Variants in SAMD11 observed in about 807,000 individuals in gnomAD.
SAMD11 encodes sterile alpha motif domain-containing protein 11.
SAMD11 carries 77 observed loss-of-function variants against 64.4 expected under a neutral mutation model. The observed-to-expected ratio is 1.20, with a 90% CI of 0.99 to 1.44. The LOEUF is 1.44. SAMD11 is among the 40% of genes most tolerant of loss of function. The pLI is 0.00. For missense variants in SAMD11, 1,402 were observed against 943.3 expected (o/e 1.49, Z -6.37); for synonymous variants, 658 against 421.9 (o/e 1.56, Z -6.86).
intron 1 of SAMD11, chr1:925,622 C>A: frequency 6.7e-6 from 2 of 299,594 alleles, no homozygotes; most frequent in Non-Finnish European, 1.3e-5. Flanking sequence ...CTGGGCCCGG[C>A]CTGCGGTTCC....
rs545212814 is a variant in SAMD11, at chr1:930,015, G to A, written c.610-140G>A. The A allele has an allele frequency of 1.2e-4, 121 of 1,016,480 alleles. No homozygotes were observed. The South Asian group carries it at 1.4e-3, about 12-fold the overall frequency. 63.0% of individuals were successfully genotyped at this position (1,016,480 alleles called of 1,614,324 possible). ...TGGCTGCTCTGAGGGCACCTCTGCCGTGCTTGGGGCTCGGCCTGGGGTGCG... is the reference window on the plus strand; with the variant it reads ...TGGCTGCTCTGAGGGCACCTCTGCCATGCTTGGGGCTCGGCCTGGGGTGCG... On this transcript the variant is annotated intron_variant, in intron 2 of 13. Transcript: ENST00000616016.
chr1:933,548 A>AG (rs56367715), intron 4 of SAMD11, among the ~76,000 whole-genome samples: 83,554 of 151,994 alleles, frequency 0.55, 23,662 homozygotes, highest in Non-Finnish European at 0.63. Flanking sequence ...GGGACACCAG[A>AG]GGGGGGACCC....
chr1:930,693 G>A lies in SAMD11; in HGVS notation c.792-346G>A, dbSNP rs1641126909. 2.0e-5 allele frequency among the ~76,000 whole-genome samples: 3 copies of A among 152,384 alleles called. No individual in the cohort carries two copies. In the South Asian group the frequency reaches 6.2e-4, roughly 32 times the overall value. On this transcript the variant is annotated intron_variant, in intron 3 of 13. Coordinates refer to ENST00000616016, the MANE Select transcript of SAMD11 (RefSeq NM_001385641.1). Reference sequence around the variant, plus strand: ...GGGAGCTCCATTCAGGCTCGTGACTGGCTGTGCAGAAGCAGCCTCGGCCCC... The same window carrying A: ...GGGAGCTCCATTCAGGCTCGTGACTAGCTGTGCAGAAGCAGCCTCGGCCCC...
At chr1:937,163 C>A (rs1398331596) in intron 5 of SAMD11, among the ~76,000 whole-genome samples, 1 of 152,150 alleles carries the variant, frequency 6.6e-6, no homozygotes, top group East Asian at 1.9e-4. Flanking sequence ...GAGGGGCATT[C>A]ACCCTGGGGG....
At position 939,429 on chromosome 1, in the gene SAMD11, G is replaced by C. The variant is rs200584816; in HGVS notation, c.1195+17G>C. ...CCAGCCACGGTGAGGACCCACCCTGGCATGATCCCCCTCATCACCTCCCCA... is the reference window on the plus strand; with the variant it reads ...CCAGCCACGGTGAGGACCCACCCTGCCATGATCCCCCTCATCACCTCCCCA... On this transcript the variant is annotated intron_variant, in intron 7 of 13. Transcript: ENST00000616016. 975 of 1,442,172 alleles carry C rather than the reference G, an allele frequency of 6.8e-4. 13 individuals are homozygous for C. Among genetic ancestry groups the C allele is most frequent in the Middle Eastern group, 1.8e-4 (1 of 5,434 alleles). The allele number at this position is 1,442,172 out of a possible 1,614,324, so 89.3% of individuals were successfully genotyped here.
chr1:930,956 C>A, intron 3 of SAMD11, 83 bp from the exon 4 acceptor site: 1 of 1,381,764 alleles, frequency 7.2e-7, no homozygotes, highest in Non-Finnish European at 1.0e-6. Flanking sequence ...TGACCCGAGA[C>A]AGGTCTGCGC....
At position 938,959 on chromosome 1, in the gene SAMD11, G is replaced by A. The variant is rs1408754306; in HGVS notation, c.968-81G>A. 1.2e-5 allele frequency: 15 copies of A among 1,249,796 alleles called. No individual in the cohort carries two copies. In the Admixed American group the frequency reaches 1.4e-4, roughly 12 times the overall value. The allele number at this position is 1,249,796 out of a possible 1,614,324, so 77.4% of individuals were successfully genotyped here. ...GGGCCCCCTGAGAGATGGTGGGTGCGGTCCAGGCTGAGCTGGAGCAGGGGC... is the reference window on the plus strand; with the variant it reads ...GGGCCCCCTGAGAGATGGTGGGTGCAGTCCAGGCTGAGCTGGAGCAGGGGC... On this transcript the variant is annotated intron_variant, in intron 5 of 13. Transcript: ENST00000616016.
At chr1:940,958 C>T (rs1054289588) in intron 7 of SAMD11, 186 bp from the exon 8 acceptor site, 79 of 533,202 alleles carry the variant, frequency 1.5e-4, no homozygotes, top group Non-Finnish European at 1.9e-4. Context: ...CCTCGCCCAG[C>T]ATCTTGTCTG....
At chr1:926,914 TC>T (rs1391921293) in intron 2 of SAMD11, among the ~76,000 whole-genome samples, 1 of 151,744 alleles carries the variant, frequency 6.6e-6, no homozygotes, top group African/African-American at 2.4e-5. Flanking sequence ...GGCCTGAGGG[TC>T]CCGGGCGTAC....
In SAMD11 at chr1:942,186, T is replaced by C. The variant is rs1257723600; in HGVS notation, c.1409T>C (p.Val470Ala). 7.0e-7 allele frequency: 1 copy of C among 1,423,768 alleles called. No individual in the cohort carries two copies. Among genetic ancestry groups the C allele is most frequent in the Non-Finnish European group, 9.2e-7 (1 of 1,086,788 alleles). The allele number at this position is 1,423,768 out of a possible 1,614,324, so 88.2% of individuals were successfully genotyped here. A position where few individuals can be genotyped will look rare whatever the true frequency, so the allele number is the denominator to read the frequency against. The change falls in exon 9 of 14, where the codon GTC (valine) becomes GCC (alanine). Residue 470 changes from valine (V) to alanine (A), a missense_variant. Val to Ala is a moderately conservative substitution (Grantham distance 64). Transcript: ENST00000616016. The stretch of plus-strand genomic sequence containing the variant: ...CTGTCGCCGCAGAATGCCCCTCACG[T>C]CGCCCTGGGCCCCCATCTCAGGCCC... Reference protein sequence around the residue: ...PLLSPQNAPHVALGPHLRPPF... With the variant: ...PLLSPQNAPHAALGPHLRPPF...
rs577196677 is a variant in SAMD11, at chr1:943,551, C to T, written c.2179-147C>T. Reference sequence around the variant, plus strand: ...CTTTTTTTTTTTTTTTTTTTTTTGCCAGGTGTTTTCTGCCTGACACTCAAA... The same window carrying T: ...CTTTTTTTTTTTTTTTTTTTTTTGCTAGGTGTTTTCTGCCTGACACTCAAA... On this transcript the variant is annotated intron_variant, in intron 12 of 13. Coordinates refer to ENST00000616016, the MANE Select transcript of SAMD11 (RefSeq NM_001385641.1). 202 of 675,212 alleles carry T rather than the reference C, an allele frequency of 3.0e-4. 1 individual carries two copies. In the African/African-American group the frequency reaches 4.1e-3, roughly 14 times the overall value. 41.8% of individuals were successfully genotyped at this position (675,212 alleles called of 1,614,324 possible).
chr1:942,398 C>A lies in SAMD11; in HGVS notation c.1475-12C>A. On this transcript the variant is annotated splice_polypyrimidine_tract_variant and intron_variant, in intron 9 of 13. Coordinates refer to ENST00000616016, the MANE Select transcript of SAMD11 (RefSeq NM_001385641.1). Reference sequence around the variant, plus strand: ...GGACCCCCCGACCCCGCGTTGTCCCCCTCCCCACCAGGCTACGGCTTCCTG... The same window carrying A: ...GGACCCCCCGACCCCGCGTTGTCCCACTCCCCACCAGGCTACGGCTTCCTG... The A allele has an allele frequency of 6.9e-7, 1 of 1,451,770 alleles. No individual in the cohort carries two copies. The highest frequency in any genetic ancestry group is 9.1e-7 in the Non-Finnish European group (1 of 1,101,496). The allele number at this position is 1,451,770 out of a possible 1,614,324, so 89.9% of individuals were successfully genotyped here.
At chr1:943,153 C>T (rs1641903329) in intron 11 of SAMD11, 95 bp downstream of exon 11, 11 of 1,586,262 alleles carry the variant, frequency 6.9e-6, no homozygotes, top group Middle Eastern at 1.7e-4. Flanking sequence ...TCCCCTTAGG[C>T]ACCCATCCCC....
At chr1:940,052 G>A (rs1055198198) in intron 7 of SAMD11, among the ~76,000 whole-genome samples, 1 of 152,184 alleles carries the variant, frequency 6.6e-6, no homozygotes, top group Non-Finnish European at 1.5e-5. Context: ...CCTGGCAGGG[G>A]AGCTTGGCTT....
chr1:936,637 C>T lies in SAMD11; in HGVS notation c.967+741C>T, dbSNP rs549946631. ...CGGGGGCGCCCCGAGGCCCTGTGGA[C>T]CCCAGGCAGGGGTGTTCCCAGCAGG... On this transcript the variant is annotated intron_variant, in intron 5 of 13. Coordinates refer to ENST00000616016, the MANE Select transcript of SAMD11 (RefSeq NM_001385641.1). Among the ~76,000 whole-genome samples the T allele has an allele frequency of 1.8e-3, 281 of 152,232 alleles. 2 individuals are homozygous for T. Among genetic ancestry groups the T allele is most frequent in the African/African-American group, 6.4e-3 (265 of 41,570 alleles).
chr1:942,316 T>C (rs867708928), intron 9 of SAMD11, 65 bp downstream of exon 9: 14 of 1,052,082 alleles, frequency 1.3e-5, no homozygotes, highest in South Asian at 2.0e-5. Flanking sequence ...GCCCTGCCCC[T>C]GTCGGAGCCG....
At chr1:929,819 G>T (rs1039956866) in intron 2 of SAMD11, among the ~76,000 whole-genome samples, 1 of 152,212 alleles carries the variant, frequency 6.6e-6, no homozygotes, top group South Asian at 2.1e-4. Flanking sequence ...ATCCTCAAGG[G>T]CTGGGCCAAC....
At chr1:928,666 C>T (rs1641024674) in intron 2 of SAMD11, among the ~76,000 whole-genome samples, 1 of 152,254 alleles carries the variant, frequency 6.6e-6, no homozygotes, top group African/African-American at 2.4e-5. Flanking sequence ...GGACCCCAGG[C>T]CCCACCCCTT....
intron 4 of SAMD11, among the ~76,000 whole-genome samples, chr1:932,704 C>A (rs1272324890): frequency 6.6e-6 from 1 of 152,240 alleles, no homozygotes; most frequent in Admixed American, 6.5e-5. Flanking sequence ...TTCATTTGCT[C>A]CCGTCCAGTG....
Sources: gnomAD v4.1 joint callset for allele counts (sites outside exome capture counted in the v4.1 genomes callset) on GRCh38, gnomAD v4.1.1 for gene constraint, MANE v1.5 for transcripts, NCBI Gene and HGNC (gene_info 2026-07-23, HGNC 2026-07-21) for gene names.